Variants in GRM7 observed in about 807,000 individuals in gnomAD.
The protein encoded by GRM7 is glutamate metabotropic receptor 7, also known as metabotropic glutamate receptor 7.
GRM7 carries 35 observed loss-of-function variants against 84.5 expected under a neutral mutation model. The ratio of observed to expected loss-of-function variants is 0.41; its 90% confidence interval spans 0.32 to 0.55. The LOEUF (loss-of-function observed/expected upper bound fraction) is 0.55, where lower values mean the gene tolerates loss of function less well. Among genes scored for constraint, GRM7 ranks in the 20% least tolerant of loss-of-function variants. The pLI, the probability that GRM7 is intolerant of heterozygous loss-of-function variation, is 0.19. For missense variants in GRM7, 1,003 were observed against 1,194.6 expected, an observed-to-expected ratio of 0.84 and a Z score of 2.36; for synonymous variants, 487 against 455.1, an observed-to-expected ratio of 1.07 and a Z score of -0.89.
At chr3:6,877,694 C>T (rs1407150901) in intron 1 of GRM7, among the ~76,000 whole-genome samples, 1 of 152,004 alleles carries the variant, frequency 6.6e-6, no homozygotes. Flanking sequence ...GTTTATAATT[C>T]ATCGGGAAGA....
At chr3:7,172,549 C>T (rs145536186) in intron 2 of GRM7, among the ~76,000 whole-genome samples, 5 of 126,378 alleles carry the variant, frequency 4.0e-5, no homozygotes, top group East Asian at 2.9e-4. Context: ...TCTTCCCCCC[C>T]GCCCCCCCCA....
chr3:7,568,926 C>T (rs1694487455), intron 7 of GRM7, among the ~76,000 whole-genome samples: 1 of 152,128 alleles, frequency 6.6e-6, no homozygotes, highest in Non-Finnish European at 1.5e-5. Flanking sequence ...AGCGCCGCCC[C>T]CTGCTCCACC....
intron 8 of GRM7, among the ~76,000 whole-genome samples, chr3:7,650,556 G>T (rs894767291): frequency 2.6e-5 from 4 of 152,188 alleles, no homozygotes; most frequent in Non-Finnish European, 4.4e-5. Flanking sequence ...AAGGAATTCT[G>T]TTAGCTGTTG....
intron 2 of GRM7, among the ~76,000 whole-genome samples, chr3:7,170,216 G>A (rs1050327713): frequency 6.6e-6 from 1 of 152,114 alleles, no homozygotes; most frequent in Non-Finnish European, 1.5e-5. Flanking sequence ...ATTACAAAAA[G>A]CAGCTCTTAG....
At chr3:6,926,318 A>G (rs1262417213) in intron 1 of GRM7, among the ~76,000 whole-genome samples, 1 of 152,206 alleles carries the variant, frequency 6.6e-6, no homozygotes, top group Non-Finnish European at 1.5e-5. Flanking sequence ...CATCACATAA[A>G]CACACATGCA....
chr3:7,524,042 G>C (rs564353438), intron 7 of GRM7, among the ~76,000 whole-genome samples: 1 of 152,200 alleles, frequency 6.6e-6, no homozygotes, highest in South Asian at 2.1e-4. Flanking sequence ...TGCTGGATCT[G>C]AGAATTCAGC....
intron 7 of GRM7, among the ~76,000 whole-genome samples, chr3:7,480,573 T>A (rs1041708959): frequency 3.3e-5 from 5 of 152,122 alleles, no homozygotes; most frequent in Admixed American, 6.6e-5. Context: ...ATGAGCAAAA[T>A]GGTATACAAT....
intron 7 of GRM7, among the ~76,000 whole-genome samples, chr3:7,495,608 A>G (rs1304735094): frequency 6.6e-6 from 1 of 152,154 alleles, no homozygotes; most frequent in Non-Finnish European, 1.5e-5. Context: ...TCTCAGGGCC[A>G]GCAAGGAAAA....
chr3:6,949,123 A>C (rs901498273), intron 1 of GRM7, among the ~76,000 whole-genome samples: 4 of 152,116 alleles, frequency 2.6e-5, no homozygotes, highest in African/African-American at 9.7e-5. Flanking sequence ...TATTTTGCTC[A>C]TTAGTTGATG....
chr3:7,377,686 C>G (rs1575244246), intron 4 of GRM7, among the ~76,000 whole-genome samples: 1 of 152,124 alleles, frequency 6.6e-6, no homozygotes, highest in African/African-American at 2.4e-5. Flanking sequence ...GGCTTCTAGT[C>G]CCTGCAAGAC....
intron 7 of GRM7, among the ~76,000 whole-genome samples, chr3:7,535,674 C>G (rs1293491486): frequency 6.6e-6 from 1 of 152,230 alleles, no homozygotes; most frequent in Non-Finnish European, 1.5e-5. Context: ...GGACTCTTTA[C>G]TCTTCATGCA....
intron 7 of GRM7, among the ~76,000 whole-genome samples, chr3:7,574,799 T>C (rs1694880052): frequency 6.6e-6 from 1 of 152,200 alleles, no homozygotes; most frequent in Non-Finnish European, 1.5e-5. Context: ...AGTGAGTTTC[T>C]GAGACCAGTG....
intron 1 of GRM7, among the ~76,000 whole-genome samples, chr3:6,908,595 C>A (rs576135907): frequency 6.6e-6 from 1 of 152,248 alleles, no homozygotes; most frequent in East Asian, 1.9e-4. Flanking sequence ...ATCCACTGGT[C>A]CACTCTGACT....
At chr3:6,898,061 C>T (rs1416814159) in intron 1 of GRM7, among the ~76,000 whole-genome samples, 2 of 152,044 alleles carry the variant, frequency 1.3e-5, no homozygotes, top group African/African-American at 2.4e-5. Context: ...TTGGTGAACC[C>T]AGTGAGAAGC....
intron 7 of GRM7, among the ~76,000 whole-genome samples, chr3:7,569,897 T>C (rs913477184): frequency 2.6e-5 from 4 of 152,150 alleles, no homozygotes; most frequent in Non-Finnish European, 4.4e-5. Context: ...CTTTAAGAAC[T>C]GCAACACTCA....
At chr3:7,415,271 A>AAT in intron 5 of GRM7, 108 bp downstream of exon 5, 1 of 935,270 alleles carries the variant, frequency 1.1e-6, no homozygotes. Context: ...GAAAAAGTAA[A>AAT]TTAAATTTTA....
chr3:7,198,690 A>G (rs776211828), intron 2 of GRM7, among the ~76,000 whole-genome samples: 7 of 152,214 alleles, frequency 4.6e-5, no homozygotes, highest in Non-Finnish European at 1.0e-4. Flanking sequence ...AATAGCTTAT[A>G]ATTTATTAAA....
rs568726874 is a variant in GRM7 at position 7,333,224 on chromosome 3, C to G, written c.1033+26572C>G. 9.2e-5 allele frequency among the ~76,000 whole-genome samples: 14 copies of G among 152,280 alleles called. No homozygotes were observed. In the South Asian group the frequency reaches 2.3e-3, roughly 25 times the overall value. ...AACCAGTGCACTAAGCAAAACTACA[C>G]CCAAAGACTCCCACAGAGTCCACTT... On this transcript the variant is annotated intron_variant, in intron 4 of 9. Transcript: ENST00000357716.
At chr3:7,597,378 C>G (rs951064397) in intron 8 of GRM7, among the ~76,000 whole-genome samples, 1 of 152,166 alleles carries the variant, frequency 6.6e-6, no homozygotes, top group Admixed American at 6.5e-5. Context: ...GGGGATTACA[C>G]TTCAACATGA....
Sources: allele counts gnomAD v4.1 joint callset (sites outside exome capture counted in the v4.1 genomes callset), GRCh38; gene constraint gnomAD v4.1.1; transcripts MANE v1.5; gene names NCBI Gene and HGNC (gene_info 2026-07-23, HGNC 2026-07-21).